Variants in FRMPD4 observed in about 807,000 individuals in gnomAD.
The protein encoded by FRMPD4 is FERM and PDZ domain-containing protein 4.
In FRMPD4, 22 loss-of-function variants were observed where a neutral mutation model predicts 94.1. The observed-to-expected ratio is 0.23, with a 90% CI of 0.17 to 0.33. The LOEUF (loss-of-function observed/expected upper bound fraction) is 0.33, where lower values mean the gene tolerates loss of function less well. Ranked by LOEUF, FRMPD4 falls within the 10% of genes least tolerant of loss-of-function variation. FRMPD4 has a pLI of 1.00. For missense variants in FRMPD4, 1,111 were observed against 1,339.9 expected (o/e 0.83, Z 2.67); for synonymous variants, 631 against 548.6 (o/e 1.15, Z -2.10).
chrX:12,679,115 C>T (rs2059935439), intron 5 of FRMPD4, among the ~76,000 whole-genome samples: 1 of 112,122 alleles, frequency 8.9e-6, no homozygotes, highest in South Asian at 3.7e-4. Flanking sequence ...GCATACCAGC[C>T]CAATTTCCAA....
intron 2 of FRMPD4, among the ~76,000 whole-genome samples, chrX:12,592,146 G>A (rs984259482): frequency 8.9e-6 from 1 of 111,766 alleles, no homozygotes; most frequent in African/African-American, 3.3e-5. Context: ...ACAGAGACAG[G>A]TCAAGAAGTA....
intron 2 of FRMPD4, among the ~76,000 whole-genome samples, chrX:12,578,136 A>T (rs1175470672): frequency 8.9e-6 from 1 of 112,237 alleles, no homozygotes; most frequent in Non-Finnish European, 1.9e-5. Flanking sequence ...TCTAAACCTT[A>T]TTATGGCCCA....
At chrX:12,679,260 T>C (rs1205533089) in intron 5 of FRMPD4, among the ~76,000 whole-genome samples, 1 of 111,952 alleles carries the variant, frequency 8.9e-6, no homozygotes. Context: ...TGGTGGTCAG[T>C]CAGATGTAGC....
intron 3 of FRMPD4, among the ~76,000 whole-genome samples, chrX:12,081,225 T>A (rs1601924148): frequency 8.9e-6 from 1 of 111,883 alleles, no homozygotes; most frequent in East Asian, 2.8e-4. Flanking sequence ...ATATAACCTG[T>A]GTGTTATAAT....
At chrX:12,632,603 C>T (rs934348430) in intron 4 of FRMPD4, among the ~76,000 whole-genome samples, 1 of 111,896 alleles carries the variant, frequency 8.9e-6, no homozygotes, top group African/African-American at 3.2e-5. Flanking sequence ...AAAATGGCAG[C>T]TCATTTATGC....
intron 1 of FRMPD4, among the ~76,000 whole-genome samples, chrX:12,259,653 A>G (rs868134254): frequency 2.7e-5 from 3 of 111,585 alleles, no homozygotes; most frequent in African/African-American, 9.8e-5. Context: ...AAGGGGATAC[A>G]TTACTCCTGC....
chrX:11,982,107 T>C (rs1372009000), intron 3 of FRMPD4, among the ~76,000 whole-genome samples: 2 of 111,773 alleles, frequency 1.8e-5, no homozygotes, highest in African/African-American at 6.5e-5. Context: ...GAATTTCCTT[T>C]AGTGAGAATT....
At chrX:12,237,239 C>A (rs972197567) in intron 1 of FRMPD4, among the ~76,000 whole-genome samples, 2 of 105,587 alleles carry the variant, frequency 1.9e-5, no homozygotes, top group Non-Finnish European at 3.9e-5. Flanking sequence ...TTGTATACAT[C>A]TAAGTACAGA....
chrX:12,321,920 AC>A (rs763714241), intron 1 of FRMPD4, among the ~76,000 whole-genome samples: 24 of 112,123 alleles, frequency 2.1e-4, no homozygotes, highest in African/African-American at 7.8e-4. Flanking sequence ...TACTCAAGGC[AC>A]AGCACGTTCA....
At chrX:12,610,008 G>T (rs5979679) in intron 3 of FRMPD4, 127 bp downstream of exon 3, 8 of 599,484 alleles carry the variant, frequency 1.3e-5, no homozygotes, top group Middle Eastern at 5.4e-4. Flanking sequence ...AACCTGGATA[G>T]AGTCACTTCA....
At chrX:12,066,610 G>A (rs1489940783) in intron 3 of FRMPD4, among the ~76,000 whole-genome samples, 1 of 110,486 alleles carries the variant, frequency 9.1e-6, no homozygotes, top group African/African-American at 3.3e-5. Context: ...GAATATTTAG[G>A]TTTTTAAAAG....
chrX:12,487,604 G>A (rs1286805096), intron 1 of FRMPD4, among the ~76,000 whole-genome samples: 1 of 112,192 alleles, frequency 8.9e-6, no homozygotes, highest in East Asian at 2.8e-4. Context: ...TGCCCTATGA[G>A]GCTTGGTGCA....
At chrX:12,475,754 A>C (rs1044309659) in intron 1 of FRMPD4, among the ~76,000 whole-genome samples, 1 of 111,997 alleles carries the variant, frequency 8.9e-6, no homozygotes, top group African/African-American at 3.3e-5. Flanking sequence ...TCCAACTTAC[A>C]AGGGATGTGA....
chrX:12,165,659 A>T (rs1286198024), intron 1 of FRMPD4, among the ~76,000 whole-genome samples: 1 of 111,341 alleles, frequency 9.0e-6, no homozygotes, highest in East Asian at 2.8e-4. Flanking sequence ...CATTTTCACG[A>T]TATTGATTCT....
intron 5 of FRMPD4, among the ~76,000 whole-genome samples, chrX:12,676,799 C>T (rs1053159972): frequency 3.6e-5 from 4 of 111,729 alleles, no homozygotes; most frequent in Admixed American, 9.5e-5. Flanking sequence ...TGGCTCTTGC[C>T]GTTGTGCTAC....
intron 1 of FRMPD4, among the ~76,000 whole-genome samples, chrX:12,245,122 C>T (rs2147799908): frequency 8.9e-6 from 1 of 112,232 alleles, no homozygotes; most frequent in Admixed American, 9.4e-5. Flanking sequence ...CCTCTATTTG[C>T]GTTCTTTCCC....
intron 2 of FRMPD4, among the ~76,000 whole-genome samples, chrX:12,574,970 T>C (rs1406316623): frequency 8.9e-6 from 1 of 111,831 alleles, no homozygotes; most frequent in Non-Finnish European, 1.9e-5. Context: ...CTATGAAGAC[T>C]AGTCTCCCTT....
chrX:12,172,322 T>C (rs1202599863), intron 1 of FRMPD4, among the ~76,000 whole-genome samples: 1 of 110,872 alleles, frequency 9.0e-6, no homozygotes, highest in East Asian at 2.8e-4. Context: ...CTGTATTCTC[T>C]CCCTTGGACA....
chrX:12,498,637 C>G (rs778905646), intron 1 of FRMPD4, 43 bp from the exon 2 acceptor site: 2 of 725,224 alleles, frequency 2.8e-6, no homozygotes, highest in South Asian at 2.1e-5. Context: ...AAGGAATGTT[C>G]AGGAGTCAGG....
Sources: gnomAD v4.1 joint callset for allele counts (sites outside exome capture counted in the v4.1 genomes callset) on GRCh38, gnomAD v4.1.1 for gene constraint, MANE v1.5 for transcripts, NCBI Gene and HGNC (gene_info 2026-07-23, HGNC 2026-07-21) for gene names.